CPNE4: variants seen among roughly 807,000 people sequenced by gnomAD.
CPNE4 encodes copine 4, also known as copine-4.
Under a neutral mutation model 67.9 loss-of-function variants are expected in CPNE4, and 25 were observed. The observed-to-expected ratio is 0.37, with a 90% confidence interval of 0.27 to 0.51. The LOEUF (loss-of-function observed/expected upper bound fraction) is 0.51, where lower values mean the gene tolerates loss of function less well. Among genes scored for constraint, CPNE4 ranks in the 20% least tolerant of loss-of-function variants. The pLI, the probability that CPNE4 is intolerant of heterozygous loss-of-function variation, is 0.93. For synonymous variants in CPNE4, 242 were observed against 244.9 expected (o/e 0.99, Z 0.11); for missense variants, 464 against 690.8 (o/e 0.67, Z 3.68).
chr3:131,835,333 A>T (rs1388233511), intron 2 of CPNE4, among the ~76,000 whole-genome samples: 2 of 152,212 alleles, frequency 1.3e-5, no homozygotes, highest in Non-Finnish European at 1.5e-5. Context: ...GTTTGAGACC[A>T]TTCTGGCCAA....
intron 7 of CPNE4, among the ~76,000 whole-genome samples, chr3:131,624,569 A>T (rs2079015330): frequency 6.6e-6 from 1 of 152,178 alleles, no homozygotes; most frequent in Admixed American, 6.5e-5. Flanking sequence ...TTTTCTAGAA[A>T]GCCTATTAAC....
chr3:131,961,820 A>G lies in CPNE4; in HGVS notation c.-1-56376T>C, dbSNP rs1008341043. Among the ~76,000 whole-genome samples, 46 of 152,344 alleles carry G rather than the reference A, an allele frequency of 3.0e-4. No individual in the cohort carries two copies. The South Asian group carries it at 3.1e-3, about 10-fold the overall frequency. On this transcript the variant is annotated intron_variant, in intron 1 of 15. Coordinates refer to ENST00000429747, the MANE Select transcript of CPNE4 (RefSeq NM_130808.3). ...CATAGGTGACATCACCAAGAGTCAC[A>G]CATACCAAATATCAAAAAACAATTT...
At chr3:131,978,496 TTA>T (rs1362776244) in intron 1 of CPNE4, among the ~76,000 whole-genome samples, 3 of 64,682 alleles carry the variant, frequency 4.6e-5, no homozygotes, top group African/African-American at 1.5e-4. Context: ...TTATATATAT[TTA>T]TATATTTATA....
At chr3:132,019,773 TCTAATAAGAATTAGAA>T (rs1181346773) in intron 1 of CPNE4, among the ~76,000 whole-genome samples, 2 of 152,142 alleles carry the variant, frequency 1.3e-5, no homozygotes, top group Non-Finnish European at 2.9e-5. Flanking sequence ...TCTCAAAAGT[TCTAATAAGAATTAGAA>T]CTGTCAGAAA....
intron 2 of CPNE4, among the ~76,000 whole-genome samples, chr3:131,888,951 T>C (rs369552162): frequency 1.4e-4 from 22 of 152,274 alleles, no homozygotes; most frequent in African/African-American, 5.3e-4. Flanking sequence ...CAAAAGCTTA[T>C]CTCTGGCATT....
At chr3:131,933,172 G>A (rs1041085267) in intron 1 of CPNE4, among the ~76,000 whole-genome samples, 23 of 152,116 alleles carry the variant, frequency 1.5e-4, no homozygotes, top group Non-Finnish European at 1.5e-4. Context: ...TTGACATCAC[G>A]TGAGTTCATC....
chr3:131,676,747 G>A (rs576490963), intron 6 of CPNE4, among the ~76,000 whole-genome samples: 58 of 152,232 alleles, frequency 3.8e-4, no homozygotes, highest in African/African-American at 1.3e-3. Flanking sequence ...ATTCCGTGGT[G>A]TATATGTACC....
At chr3:131,932,586 A>T (rs1583472292) in intron 1 of CPNE4, among the ~76,000 whole-genome samples, 1 of 152,180 alleles carries the variant, frequency 6.6e-6, no homozygotes, top group East Asian at 1.9e-4. Context: ...ATCAGAAAAT[A>T]ATTTTCTGAG....
chr3:131,962,694 T>G (rs1402114197), intron 1 of CPNE4, among the ~76,000 whole-genome samples: 1 of 151,724 alleles, frequency 6.6e-6, no homozygotes, highest in African/African-American at 2.4e-5. Flanking sequence ...TAGATGGACT[T>G]CCAGTGGAGA....
At chr3:131,900,444 C>T (rs1327238839) in intron 2 of CPNE4, among the ~76,000 whole-genome samples, 1 of 152,054 alleles carries the variant, frequency 6.6e-6, no homozygotes, top group African/African-American at 2.4e-5. Flanking sequence ...TTTAGGCCCC[C>T]TCCACATAAA....
At chr3:131,784,270 T>C (rs2083497329) in intron 2 of CPNE4, among the ~76,000 whole-genome samples, 1 of 152,026 alleles carries the variant, frequency 6.6e-6, no homozygotes, top group Non-Finnish European at 1.5e-5. Context: ...TTTCTGACTA[T>C]TATAAAATTT....
chr3:131,957,268 C>T (rs2072005970), intron 1 of CPNE4, among the ~76,000 whole-genome samples: 1 of 152,194 alleles, frequency 6.6e-6, no homozygotes, highest in Non-Finnish European at 1.5e-5. Flanking sequence ...TCTCCATGCC[C>T]ATCAGCCTGA....
intron 2 of CPNE4, among the ~76,000 whole-genome samples, chr3:131,833,017 A>C (rs2085432966): frequency 6.6e-6 from 1 of 152,132 alleles, no homozygotes; most frequent in African/African-American, 2.4e-5. Context: ...CAGAGCCCTC[A>C]TGAGTAGGAT....
chr3:131,967,123 C>G (rs1028798586), intron 1 of CPNE4, among the ~76,000 whole-genome samples: 2 of 152,114 alleles, frequency 1.3e-5, no homozygotes, highest in Non-Finnish European at 2.9e-5. Context: ...TGACAAAAAC[C>G]ACATGATTAT....
chr3:131,661,864 G>A (rs1488938643), intron 7 of CPNE4, among the ~76,000 whole-genome samples: 2 of 152,076 alleles, frequency 1.3e-5, no homozygotes, highest in African/African-American at 4.8e-5. Context: ...CAACAATGCT[G>A]AACATAGCAG....
chr3:131,535,692 G>A (rs1935102208), intron 15 of CPNE4, among the ~76,000 whole-genome samples: 1 of 152,150 alleles, frequency 6.6e-6, no homozygotes, highest in Admixed American at 6.5e-5. Flanking sequence ...CTTGCCTCAG[G>A]AAGGCTGTAA....
chr3:132,015,822 C>A (rs988713023), intron 1 of CPNE4, among the ~76,000 whole-genome samples: 6 of 152,208 alleles, frequency 3.9e-5, no homozygotes, highest in African/African-American at 1.4e-4. Context: ...ACTTCTACAG[C>A]TAGGCTGAAA....
intron 1 of CPNE4, among the ~76,000 whole-genome samples, chr3:131,968,417 A>G (rs1438410703): frequency 6.6e-6 from 1 of 152,258 alleles, no homozygotes; most frequent in East Asian, 1.9e-4. Context: ...CACAGTGAAC[A>G]TGCAACCTAC....
intron 2 of CPNE4, among the ~76,000 whole-genome samples, chr3:131,791,537 C>G (rs1054763115): frequency 3.3e-5 from 5 of 152,124 alleles, no homozygotes; most frequent in African/African-American, 1.2e-4. Context: ...TTTCAGTAAA[C>G]CACAGGGTTT....
Sources: allele counts gnomAD v4.1 joint callset (sites outside exome capture counted in the v4.1 genomes callset), GRCh38; gene constraint gnomAD v4.1.1; transcripts MANE v1.5; gene names NCBI Gene and HGNC (gene_info 2026-07-23, HGNC 2026-07-21).